GRK3: variants seen among roughly 807,000 people sequenced by gnomAD.
GRK3 encodes G protein-coupled receptor kinase 3.
Under a neutral mutation model 95.7 loss-of-function variants are expected in GRK3, and 54 were observed. The ratio of observed to expected loss-of-function variants is 0.56; its 90% CI spans 0.45 to 0.71. The LOEUF is 0.71. GRK3 is among the 30% of genes least tolerant of loss of function. GRK3 has a pLI of 0.00. For synonymous variants in GRK3, 281 were observed against 290.8 expected (o/e 0.97, Z 0.34); for missense variants, 649 against 851.2 (o/e 0.76, Z 2.96).
intron 13 of GRK3, among the ~76,000 whole-genome samples, chr22:25,699,699 CTT>C (rs532664312): frequency 5.4e-5 from 7 of 129,192 alleles, no homozygotes; most frequent in Admixed American, 1.5e-4. Flanking sequence ...CTTTTCTTTT[CTT>C]TTTTTTTTTT....
chr22:25,592,179 A>G, intron 1 of GRK3, among the ~76,000 whole-genome samples: 1 of 152,212 alleles, frequency 6.6e-6, no homozygotes, highest in Admixed American at 6.5e-5. Flanking sequence ...TAGCCACTCT[A>G]ATAGGTATGT....
chr22:25,637,086 TTCTC>T lies in GRK3; in HGVS notation c.191-7502_191-7499del, dbSNP rs561482098. Among the ~76,000 whole-genome samples, 721 of 152,292 alleles carry T rather than the reference TTCTC, an allele frequency of 4.7e-3. 6 individuals are homozygous for T. The highest frequency in any genetic ancestry group is 0.016 in the African/African-American group (672 of 41,554). On this transcript the variant is annotated intron_variant, in intron 2 of 20. Transcript: ENST00000324198. The stretch of plus-strand genomic sequence containing the variant: ...AAAAGGTGGAGAAAGAGCTCATCCT[TTCTC>T]TCTTTTTGAGCTTGGGCATCTATCT...
intron 10 of GRK3, among the ~76,000 whole-genome samples, chr22:25,686,086 G>T (rs2085111234): frequency 6.6e-6 from 1 of 151,858 alleles, no homozygotes; most frequent in Non-Finnish European, 1.5e-5. Flanking sequence ...GCCGGGGGTG[G>T]TGGTGGGCGC....
chr22:25,603,388 T>C (rs2084422563), intron 1 of GRK3, among the ~76,000 whole-genome samples: 1 of 152,244 alleles, frequency 6.6e-6, no homozygotes. Context: ...GTTCAGTTAC[T>C]GAATAATCCA....
intron 1 of GRK3, among the ~76,000 whole-genome samples, chr22:25,583,788 C>G (rs1161411875): frequency 5.3e-5 from 8 of 152,130 alleles, no homozygotes. Flanking sequence ...AAGTATTTGA[C>G]TCGTTAGAGA....
In GRK3 at chr22:25,699,184, G is replaced by C. The variant is rs557141163; in HGVS notation, c.1160+3970G>C. Among the ~76,000 whole-genome samples the C allele has an allele frequency of 5.9e-5, 9 of 152,232 alleles. No homozygotes were observed. The South Asian group carries it at 1.9e-3, about 32-fold the overall frequency. ...ACCTGTTCTACTTCCTCACAAAGTT[G>C]CATGTGGGAGAACCTCAAAAATATG... On this transcript the variant is annotated intron_variant, in intron 13 of 20. Coordinates refer to ENST00000324198, the MANE Select transcript of GRK3 (RefSeq NM_005160.4).
chr22:25,683,076 G>C (rs925182685), intron 9 of GRK3, among the ~76,000 whole-genome samples: 3 of 152,196 alleles, frequency 2.0e-5, no homozygotes, highest in African/African-American at 7.2e-5. Flanking sequence ...ATTTTATAGA[G>C]CCCATTACCT....
chr22:25,597,249 T>C (rs2084378679), intron 1 of GRK3, among the ~76,000 whole-genome samples: 1 of 151,770 alleles, frequency 6.6e-6, no homozygotes, highest in Non-Finnish European at 1.5e-5. Flanking sequence ...GCAGAGAAAA[T>C]GGCTGAGAAT....
At chr22:25,669,327 T>A (rs1458703080) in intron 6 of GRK3, among the ~76,000 whole-genome samples, 3 of 152,148 alleles carry the variant, frequency 2.0e-5, no homozygotes, top group African/African-American at 4.8e-5. Context: ...GGGGCTGAGT[T>A]CCAGGTGAGG....
At position 25,720,797 on chromosome 22, in the gene GRK3, T is replaced by A. The variant is rs117134209; in HGVS notation, c.1792-487T>A. 7.8e-4 allele frequency among the ~76,000 whole-genome samples: 119 copies of A among 152,270 alleles called. 1 individual carries two copies. In the East Asian group the frequency reaches 0.021, roughly 27 times the overall value. On this transcript the variant is annotated intron_variant, in intron 19 of 20. Transcript: ENST00000324198. ...GCCTATAGACCTTTTAATCTTTTAATGAAACCACCTCTATTTATGACATCA... is the reference window on the plus strand; with the variant it reads ...GCCTATAGACCTTTTAATCTTTTAAAGAAACCACCTCTATTTATGACATCA...
At chr22:25,697,800 G>A (rs1458121316) in intron 13 of GRK3, among the ~76,000 whole-genome samples, 3 of 152,174 alleles carry the variant, frequency 2.0e-5, no homozygotes, top group East Asian at 1.9e-4. Context: ...GGTGACCATC[G>A]ATTGAGCCTG....
Position 25,718,259 on chromosome 22 carries a change from A to G in GRK3, c.1669A>G (p.Lys557Glu). The G allele has an allele frequency of 6.2e-7, 1 of 1,613,904 alleles. No homozygotes were observed. Among genetic ancestry groups the G allele is most frequent in the Non-Finnish European group, 8.5e-7 (1 of 1,179,906 alleles). The change falls in exon 19 of 21, where the codon AAG (lysine) becomes GAG (glutamate). Residue 557 changes from lysine to glutamate, a missense_variant. Lys to Glu is a moderately conservative substitution (Grantham distance 56, BLOSUM62 1). Coordinates refer to ENST00000324198, the MANE Select transcript of GRK3 (RefSeq NM_005160.4). Reference protein sequence around the residue: ...LGHEEDYALGKDCIMHGYMLK... With the variant: ...LGHEEDYALGEDCIMHGYMLK... ...GTATTCCTCAGATTACGCTCTGGGGAAGGACTGTATTATGCACGGGTACAT... is the reference window on the plus strand; with the variant it reads ...GTATTCCTCAGATTACGCTCTGGGGGAGGACTGTATTATGCACGGGTACAT...
At chr22:25,611,517 T>A (rs2084497450) in intron 2 of GRK3, among the ~76,000 whole-genome samples, 1 of 152,240 alleles carries the variant, frequency 6.6e-6, no homozygotes, top group African/African-American at 2.4e-5. Context: ...TCCATTTGAA[T>A]GGATAGGAAG....
chr22:25,681,183 A>G (rs1274422838), intron 9 of GRK3, among the ~76,000 whole-genome samples: 1 of 152,136 alleles, frequency 6.6e-6, no homozygotes, highest in Non-Finnish European at 1.5e-5. Context: ...ACCACAGTTG[A>G]GGATTTAGGT....
intron 13 of GRK3, among the ~76,000 whole-genome samples, chr22:25,697,281 G>A (rs898437479): frequency 1.3e-5 from 2 of 152,204 alleles, no homozygotes; most frequent in South Asian, 4.1e-4. Flanking sequence ...AAAGACTAGA[G>A]GGTTTTGTTC....
At chr22:25,668,165 A>G (rs1361192236) in intron 6 of GRK3, among the ~76,000 whole-genome samples, 1 of 152,248 alleles carries the variant, frequency 6.6e-6, no homozygotes. Flanking sequence ...CCAAAGCAGG[A>G]CAAGCCTGTA....
At chr22:25,674,732 G>A (rs1182539928) in intron 8 of GRK3, among the ~76,000 whole-genome samples, 2 of 152,164 alleles carry the variant, frequency 1.3e-5, no homozygotes, top group Admixed American at 6.5e-5. Flanking sequence ...GGTGGATCAC[G>A]AGGTCAGGAG....
At chr22:25,610,924 C>T (rs183964807) in intron 2 of GRK3, among the ~76,000 whole-genome samples, 209 of 152,110 alleles carry the variant, frequency 1.4e-3, no homozygotes, top group Non-Finnish European at 2.8e-3. Flanking sequence ...TGCAGTAGCT[C>T]GATCTCTGTT....
intron 12 of GRK3, among the ~76,000 whole-genome samples, chr22:25,691,208 T>C (rs1242316681): frequency 6.6e-6 from 1 of 152,240 alleles, no homozygotes; most frequent in Admixed American, 6.5e-5. Flanking sequence ...TGCTTTATTT[T>C]GTCTTTTTAG....
Sources: allele counts gnomAD v4.1 joint callset (sites outside exome capture counted in the v4.1 genomes callset), GRCh38; gene constraint gnomAD v4.1.1; transcripts MANE v1.5; gene names NCBI Gene and HGNC (gene_info 2026-07-23, HGNC 2026-07-21).